The following GRM1 variants were observed in gnomAD, a reference collection of about 807,000 sequenced individuals.
GRM1 encodes glutamate metabotropic receptor 1.
GRM1 carries 33 observed loss-of-function variants against 90.9 expected under a neutral mutation model. The ratio of observed to expected loss-of-function variants is 0.36; its 90% CI spans 0.28 to 0.49. The LOEUF is 0.49. Ranked by LOEUF, GRM1 falls within the 20% of genes least tolerant of loss-of-function variation. The probability of loss-of-function intolerance (pLI) is 0.99; values close to 1 mark genes in which losing one functional copy is unlikely to be tolerated. For synonymous variants in GRM1, 700 were observed against 613.2 expected, an observed-to-expected ratio of 1.14 and a Z score of -2.09; for missense variants, 1,190 against 1,534.3, an observed-to-expected ratio of 0.78 and a Z score of 3.75.
chr6:146,351,404 C>T (rs1398609395), intron 3 of GRM1, among the ~76,000 whole-genome samples: 2 of 151,006 alleles, frequency 1.3e-5, no homozygotes, highest in African/African-American at 2.4e-5. Context: ...TTTTCCAAAC[C>T]TCTTACCTTT....
intron 1 of GRM1, among the ~76,000 whole-genome samples, chr6:146,156,457 T>G (rs1777532315): frequency 6.6e-6 from 1 of 152,164 alleles, no homozygotes. Flanking sequence ...GCCAGCTTCC[T>G]GGGAGGCAGT....
At chr6:146,365,533 G>T (rs984557739) in intron 5 of GRM1, 1 of 152,208 alleles carries the variant, frequency 6.6e-6, no homozygotes, top group African/African-American at 2.4e-5. Context: ...CATGTCTTTG[G>T]TGGCAGTGAT....
At chr6:146,104,294 G>A (rs1777150216) in intron 1 of GRM1, among the ~76,000 whole-genome samples, 1 of 152,092 alleles carries the variant, frequency 6.6e-6, no homozygotes, top group Non-Finnish European at 1.5e-5. Context: ...CAAAAAATTA[G>A]CCAGGCGTGG....
intron 3 of GRM1, among the ~76,000 whole-genome samples, chr6:146,333,020 T>G (rs1024101585): frequency 1.3e-5 from 2 of 152,204 alleles, no homozygotes. Context: ...TTCTAGATTA[T>G]CAAATTAAAA....
At chr6:146,211,739 T>C (rs1460809449) in intron 2 of GRM1, among the ~76,000 whole-genome samples, 1 of 152,234 alleles carries the variant, frequency 6.6e-6, no homozygotes, top group Non-Finnish European at 1.5e-5. Flanking sequence ...TGAACAATGG[T>C]ATTTGTTCCT....
chr6:146,078,241 C>G (rs909840242), intron 1 of GRM1, among the ~76,000 whole-genome samples: 4 of 152,080 alleles, frequency 2.6e-5, no homozygotes, highest in Non-Finnish European at 4.4e-5. Flanking sequence ...TGAGATCTGC[C>G]GGTGTGATGG....
chr6:146,368,285 T>A (rs1189359266), intron 5 of GRM1, among the ~76,000 whole-genome samples: 1 of 150,502 alleles, frequency 6.6e-6, no homozygotes, highest in East Asian at 2.0e-4. Flanking sequence ...AATCTTTAGA[T>A]TTTTCTAAAT....
intron 2 of GRM1, among the ~76,000 whole-genome samples, chr6:146,240,985 G>A (rs1472569998): frequency 6.6e-6 from 1 of 152,062 alleles, no homozygotes; most frequent in Non-Finnish European, 1.5e-5. Context: ...CTTTGTTGGA[G>A]TAGATTCAGG....
chr6:146,321,501 G>A (rs1444515148), intron 3 of GRM1, among the ~76,000 whole-genome samples: 1 of 152,206 alleles, frequency 6.6e-6, no homozygotes, highest in Non-Finnish European at 1.5e-5. Context: ...GTCCAGAGCT[G>A]AGTTCAAGTC....
At chr6:146,264,039 C>T (rs549871401) in intron 2 of GRM1, among the ~76,000 whole-genome samples, 69 of 152,064 alleles carry the variant, frequency 4.5e-4, no homozygotes, top group Non-Finnish European at 3.1e-4. Flanking sequence ...TAATACTGCT[C>T]TTGTTCCTAA....
At chr6:146,280,509 C>A (rs888603909) in intron 2 of GRM1, among the ~76,000 whole-genome samples, 2 of 152,154 alleles carry the variant, frequency 1.3e-5, no homozygotes, top group Non-Finnish European at 2.9e-5. Flanking sequence ...CCTTAATATA[C>A]ACAGAACGCT....
intron 2 of GRM1, among the ~76,000 whole-genome samples, chr6:146,261,672 C>T (rs1203335265): frequency 2.0e-5 from 3 of 151,864 alleles, no homozygotes; most frequent in African/African-American, 7.3e-5. Context: ...AGCCTAACTG[C>T]CTTATTATTA....
chr6:146,387,390 G>T (rs1776547470), intron 6 of GRM1, among the ~76,000 whole-genome samples: 2 of 151,906 alleles, frequency 1.3e-5, no homozygotes, highest in Admixed American at 1.3e-4. Context: ...AAAAGTAAAT[G>T]TCCCAGCTTT....
At chr6:146,212,568 T>C (rs369100197) in intron 2 of GRM1, among the ~76,000 whole-genome samples, 3 of 152,216 alleles carry the variant, frequency 2.0e-5, no homozygotes, top group African/African-American at 7.2e-5. Context: ...TTCTTTTCTT[T>C]CTCCAACTTC....
At chr6:146,291,965 ATATTAAC>A (rs1306338339) in intron 2 of GRM1, among the ~76,000 whole-genome samples, 2 of 152,042 alleles carry the variant, frequency 1.3e-5, no homozygotes, top group Admixed American at 6.5e-5. Context: ...ATAAGGACAG[ATATTAAC>A]ATATAGTCAG....
chr6:146,313,208 C>G (rs1005266138), intron 3 of GRM1, among the ~76,000 whole-genome samples: 3 of 152,102 alleles, frequency 2.0e-5, no homozygotes, highest in Non-Finnish European at 2.9e-5. Flanking sequence ...TTTACTATGC[C>G]TGCAAACCAG....
chr6:146,073,130 A>G, intron 1 of GRM1, among the ~76,000 whole-genome samples: 1 of 152,278 alleles, frequency 6.6e-6, no homozygotes, highest in South Asian at 2.1e-4. Flanking sequence ...TAATAATTAT[A>G]ATAACATATC....
In GRM1 at chr6:146,247,804, G is replaced by A. The variant is rs1468623324; in HGVS notation, c.951-56807G>A. On this transcript the variant is annotated intron_variant, in intron 2 of 7. Transcript: ENST00000282753. ...GGTGTGTGTGTGTGTGTGTGTGTGT[G>A]TATATATATATATATAAAATTACAT... 6.6e-3 allele frequency among the ~76,000 whole-genome samples: 784 copies of A among 118,844 alleles called. 6 individuals are homozygous for A. Among genetic ancestry groups the A allele is most frequent in the African/African-American group, 0.026 (683 of 25,982 alleles). The allele number at this position is 118,844 out of a possible 152,430, so 78.0% of individuals were successfully genotyped here. A position where few individuals can be genotyped will look rare whatever the true frequency, so the allele number is the denominator to read the frequency against.
intron 5 of GRM1, among the ~76,000 whole-genome samples, chr6:146,375,114 A>C (rs1475612286): frequency 6.6e-6 from 1 of 151,870 alleles, no homozygotes; most frequent in Non-Finnish European, 1.5e-5. Flanking sequence ...TTTCCTTGTT[A>C]ATTTCTTTAT....
Sources: gnomAD v4.1 joint callset for allele counts (sites outside exome capture counted in the v4.1 genomes callset) on GRCh38, gnomAD v4.1.1 for gene constraint, MANE v1.5 for transcripts, NCBI Gene and HGNC (gene_info 2026-07-23, HGNC 2026-07-21) for gene names.